The following ANKRD6 variants were observed in gnomAD, a reference collection of about 807,000 sequenced individuals.
ANKRD6 encodes ankyrin repeat domain-containing protein 6.
Under a neutral mutation model 82.3 loss-of-function variants are expected in ANKRD6, and 56 were observed. The observed-to-expected ratio is 0.68, with a 90% confidence interval of 0.55 to 0.85. The LOEUF (loss-of-function observed/expected upper bound fraction) is 0.85, where lower values mean the gene tolerates loss of function less well. ANKRD6 is among the 40% of genes least tolerant of loss of function. The pLI is 0.00. For missense variants in ANKRD6, 852 were observed against 907.6 expected (o/e 0.94, Z 0.79); for synonymous variants, 347 against 352.1 (o/e 0.99, Z 0.16).
intron 4 of ANKRD6, among the ~76,000 whole-genome samples, chr6:89,604,331 A>G (rs944028755): frequency 1.8e-4 from 27 of 150,904 alleles, no homozygotes; most frequent in Non-Finnish European, 3.4e-4. Context: ...TCTTGTCTCA[A>G]AAAAAAAAGA....
chr6:89,485,401 T>G (rs1777252654), intron 1 of ANKRD6, among the ~76,000 whole-genome samples: 1 of 152,142 alleles, frequency 6.6e-6, no homozygotes, highest in African/African-American at 2.4e-5. Context: ...GCACAGAAAA[T>G]ACTGATATGG....
intron 2 of ANKRD6, among the ~76,000 whole-genome samples, chr6:89,580,649 C>A (rs897877835): frequency 7.9e-5 from 12 of 151,912 alleles, no homozygotes; most frequent in South Asian, 2.1e-4. Flanking sequence ...GACAAAACCT[C>A]ACTTCCACGA....
intron 1 of ANKRD6, among the ~76,000 whole-genome samples, chr6:89,435,050 A>C (rs1194010784): frequency 1.3e-5 from 2 of 152,092 alleles, no homozygotes; most frequent in East Asian, 3.9e-4. Flanking sequence ...CTCCCACTTA[A>C]ACTCATCAGC....
At chr6:89,435,892 A>G (rs1308958319) in intron 1 of ANKRD6, among the ~76,000 whole-genome samples, 3 of 152,024 alleles carry the variant, frequency 2.0e-5, no homozygotes, top group African/African-American at 4.8e-5. Context: ...TGTTTGTGTT[A>G]TTGTCTTTGT....
chr6:89,465,673 C>T (rs1774762281), intron 1 of ANKRD6, among the ~76,000 whole-genome samples: 1 of 151,884 alleles, frequency 6.6e-6, no homozygotes, highest in South Asian at 2.1e-4. Flanking sequence ...CCAGCCTGGG[C>T]AACATGGTGA....
chr6:89,621,907 G>T lies in ANKRD6; in HGVS notation c.793-15G>T. 1 of 1,612,658 alleles carries T rather than the reference G, an allele frequency of 6.2e-7. No individual in the cohort carries two copies. Among genetic ancestry groups the T allele is most frequent in the Non-Finnish European group, 8.5e-7 (1 of 1,178,776 alleles). On this transcript the variant is annotated splice_polypyrimidine_tract_variant and intron_variant, in intron 9 of 15. Transcript: ENST00000339746. Reference sequence around the variant, plus strand: ...GCACACCAGTGGTTGTAACAATGCCGTTTGCCTCCTTCAGGTCTTGCGCTT... The same window carrying T: ...GCACACCAGTGGTTGTAACAATGCCTTTTGCCTCCTTCAGGTCTTGCGCTT...
chr6:89,485,583 G>A (rs1435097509), intron 1 of ANKRD6, among the ~76,000 whole-genome samples: 2 of 152,122 alleles, frequency 1.3e-5, no homozygotes, highest in Non-Finnish European at 2.9e-5. Flanking sequence ...TCTGCTGCTT[G>A]GTGCTGTCCC....
rs1783127637 is a variant in ANKRD6 at position 89,531,406 on chromosome 6, A to ATCC, written c.-143-35428_-143-35427insTCC. Reference sequence around the variant, plus strand: ...GTTTTATCTCCCATTTCTAAGAGAAAAGGCATTAATATCCAACCATGTGGA... The same window carrying ATCC: ...GTTTTATCTCCCATTTCTAAGAGAAATCCAGGCATTAATATCCAACCATGTGGA... On this transcript the variant is annotated intron_variant, in intron 1 of 15. Transcript: ENST00000339746. Among the ~76,000 whole-genome samples, 3 of 152,256 alleles carry ATCC rather than the reference A, an allele frequency of 2.0e-5. No individual in the cohort carries two copies. In the South Asian group the frequency reaches 6.2e-4, roughly 31 times the overall value.
chr6:89,583,050 C>G (rs1017229825), intron 2 of ANKRD6, among the ~76,000 whole-genome samples: 2 of 152,170 alleles, frequency 1.3e-5, no homozygotes, highest in African/African-American at 2.4e-5. Flanking sequence ...TACTGATGCC[C>G]AGGCCCATAC....
At chr6:89,562,520 G>A (rs1353582234) in intron 1 of ANKRD6, 2 of 152,168 alleles carry the variant, frequency 1.3e-5, no homozygotes, top group African/African-American at 4.8e-5. Flanking sequence ...TGTCATCTGA[G>A]CGTCATTCAG....
chr6:89,544,415 CATCAGTGCAG>C, intron 1 of ANKRD6, among the ~76,000 whole-genome samples: 1 of 152,208 alleles, frequency 6.6e-6, no homozygotes, highest in Non-Finnish European at 1.5e-5. Flanking sequence ...CCCAGGCTCC[CATCAGTGCAG>C]TGAGTCCTGT....
At chr6:89,624,948 T>C (rs1249305360) in intron 13 of ANKRD6, among the ~76,000 whole-genome samples, 3 of 152,168 alleles carry the variant, frequency 2.0e-5, no homozygotes, top group African/African-American at 4.8e-5. Flanking sequence ...ATTAGGAAAA[T>C]AAATCACCTA....
chr6:89,450,462 A>G (rs1772672169), intron 1 of ANKRD6, among the ~76,000 whole-genome samples: 1 of 152,206 alleles, frequency 6.6e-6, no homozygotes, highest in South Asian at 2.1e-4. Context: ...CAAAAACATT[A>G]TGACCTACTG....
chr6:89,536,888 A>T (rs1783903222), intron 1 of ANKRD6, among the ~76,000 whole-genome samples: 1 of 152,224 alleles, frequency 6.6e-6, no homozygotes, highest in Admixed American at 6.5e-5. Context: ...CATTATTTGT[A>T]ACAGAAATAA....
chr6:89,459,090 A>T (rs555108800), intron 1 of ANKRD6, among the ~76,000 whole-genome samples: 38 of 151,800 alleles, frequency 2.5e-4, no homozygotes, highest in East Asian at 5.8e-4. Context: ...CTTTTTTTTT[A>T]AAATTGAGAC....
At position 89,442,097 on chromosome 6, in the gene ANKRD6, G is replaced by A. The variant is rs1239526553; in HGVS notation, c.-144+8722G>A. On this transcript the variant is annotated intron_variant, in intron 1 of 15. Transcript: ENST00000339746. ...TGCAGCCTCTGCCTCCCAGGTTCAA[G>A]CACTTCTCGTGCCTCAGTCTCCTAA... Among the ~76,000 whole-genome samples, 7 of 152,184 alleles carry A rather than the reference G, an allele frequency of 4.6e-5. No homozygotes were observed. The South Asian group carries it at 1.2e-3, about 27-fold the overall frequency.
chr6:89,448,247 C>A (rs1772348952), intron 1 of ANKRD6, among the ~76,000 whole-genome samples: 1 of 151,826 alleles, frequency 6.6e-6, no homozygotes. Context: ...CCAGCCTGGG[C>A]AACATGGTGA....
chr6:89,630,979 G>A lies in ANKRD6; in HGVS notation c.2159G>A (p.Arg720Lys). The A allele has an allele frequency of 6.4e-7, 1 of 1,563,030 alleles. No individual in the cohort carries two copies. The highest frequency in any genetic ancestry group is 8.6e-7 in the Non-Finnish European group (1 of 1,156,138). ...KSLEEELAKLRTRVQKEN is the reference protein window; with the variant it reads ...KSLEEELAKLKTRVQKEN ...TTAGAAGAGGAACTTGCCAAACTAAGGACTAGGGTGCAGAAGGAAAATTAG... is the reference window on the plus strand; with the variant it reads ...TTAGAAGAGGAACTTGCCAAACTAAAGACTAGGGTGCAGAAGGAAAATTAG... Residue 720 changes from arginine to lysine, a missense_variant, in exon 16 of 16, where the codon AGG becomes AAG. Transcript: ENST00000339746.
chr6:89,446,729 T>G (rs973045451), intron 1 of ANKRD6, among the ~76,000 whole-genome samples: 2 of 152,062 alleles, frequency 1.3e-5, no homozygotes, highest in Non-Finnish European at 2.9e-5. Context: ...CCCACCCAAA[T>G]CTCATCTTGA....
Sources: allele counts gnomAD v4.1 joint callset (sites outside exome capture counted in the v4.1 genomes callset), GRCh38; gene constraint gnomAD v4.1.1; transcripts MANE v1.5; gene names NCBI Gene and HGNC (gene_info 2026-07-23, HGNC 2026-07-21).